The following LIMCH1 variants were observed in gnomAD, a reference collection of about 807,000 sequenced individuals.
LIMCH1 encodes LIM and calponin homology domains-containing protein 1.
Under a neutral mutation model 176.5 loss-of-function variants are expected in LIMCH1, and 113 were observed. That is an observed-to-expected ratio of 0.64 (90% CI 0.55 to 0.75). LIMCH1 has a LOEUF of 0.75. Among genes scored for constraint, LIMCH1 ranks in the 30% least tolerant of loss-of-function variants. LIMCH1 has a pLI of 0.00. For missense variants in LIMCH1, 1,674 were observed against 1,814.9 expected (o/e 0.92, Z 1.41); for synonymous variants, 619 against 645.9 (o/e 0.96, Z 0.63).
chr4:41,364,531 T>C (rs2154092192), intron 1 of LIMCH1, among the ~76,000 whole-genome samples: 1 of 152,308 alleles, frequency 6.6e-6, no homozygotes, highest in Non-Finnish European at 1.5e-5. Context: ...CGAAGTTAAC[T>C]AGATGCTACA....
At chr4:41,635,137 A>G (rs2093515129) in intron 13 of LIMCH1, among the ~76,000 whole-genome samples, 1 of 152,062 alleles carries the variant, frequency 6.6e-6, no homozygotes, top group African/African-American at 2.4e-5. Context: ...CAAGATCCAA[A>G]CTCAGCTCTG....
intron 1 of LIMCH1, among the ~76,000 whole-genome samples, chr4:41,362,450 A>G (rs1057423541): frequency 6.6e-6 from 1 of 152,216 alleles, no homozygotes; most frequent in Non-Finnish European, 1.5e-5. Flanking sequence ...TTACTGGCTT[A>G]TTGCAGAGTT....
intron 22 of LIMCH1, among the ~76,000 whole-genome samples, chr4:41,672,795 A>C (rs2095094469): frequency 6.6e-6 from 1 of 152,176 alleles, no homozygotes; most frequent in Non-Finnish European, 1.5e-5. Flanking sequence ...GCCCATGAGC[A>C]ACCCTGGCTC....
chr4:41,638,853 G>A (rs928714081), intron 13 of LIMCH1, 79 bp from the exon 14 acceptor site: 15 of 1,163,072 alleles, frequency 1.3e-5, no homozygotes, highest in South Asian at 9.9e-5. Flanking sequence ...GTATTTCACC[G>A]GCAGTTTCTA....
Position 41,619,252 on chromosome 4 carries a change from C to A in LIMCH1, c.270C>A (p.Asp90Glu). The A allele has an allele frequency of 6.2e-7, 1 of 1,614,218 alleles. No individual in the cohort carries two copies. Among genetic ancestry groups the A allele is most frequent in the South Asian group, 1.1e-5 (1 of 91,086 alleles). The change falls in exon 6 of 32, where the codon GAC (aspartate) becomes GAA (glutamate). Residue 90 changes from aspartate (D) to glutamate (E), a missense_variant. By Grantham distance (45) the Asp-to-Glu change is conservative. Coordinates refer to ENST00000503057, the MANE Select transcript of LIMCH1 (RefSeq NM_001330672.2). ...HRKLPDVKKD[D>E]MSARRTSHGE... The stretch of plus-strand genomic sequence containing the variant: ...AGCTGCCAGATGTGAAGAAGGATGA[C>A]ATGTCTGCACGGCGGACTTCCCATG...
intron 1 of LIMCH1, among the ~76,000 whole-genome samples, chr4:41,455,429 G>A (rs978922976): frequency 2.6e-5 from 4 of 152,164 alleles, no homozygotes; most frequent in Non-Finnish European, 5.9e-5. Context: ...GTTTTTACAA[G>A]TCAGAATGGG....
chr4:41,573,939 G>A (rs1177818309), intron 1 of LIMCH1, among the ~76,000 whole-genome samples: 2 of 152,154 alleles, frequency 1.3e-5, no homozygotes, highest in Non-Finnish European at 2.9e-5. Flanking sequence ...TCTGTGTCCT[G>A]GACCTTTGCC....
intron 1 of LIMCH1, among the ~76,000 whole-genome samples, chr4:41,371,800 C>G (rs758259395): frequency 2.0e-5 from 3 of 152,154 alleles, no homozygotes; most frequent in Non-Finnish European, 2.9e-5. Flanking sequence ...AACAGCAGCT[C>G]CACTCTTAGA....
At position 41,502,907 on chromosome 4, in the gene LIMCH1, T is replaced by TCACACACA. The variant is rs71650929; in HGVS notation, c.167+8325_167+8332dup. 1.9e-3 allele frequency among the ~76,000 whole-genome samples: 269 copies of TCACACACA among 142,214 alleles called. 1 individual carries two copies. The highest frequency in any genetic ancestry group is 5.0e-3 in the African/African-American group (192 of 38,498). 93.3% of individuals were successfully genotyped at this position (142,214 alleles called of 152,430 possible). A position where few individuals can be genotyped will look rare whatever the true frequency, so the allele number is the denominator to read the frequency against. ...TTATGTGAATAAGCACGGAGGTAAA[T>TCACACACA]CACACACACACACACACACACACAC... is the stretch of plus-strand genomic sequence containing the variant. On this transcript the variant is annotated intron_variant, in intron 2 of 26. Coordinates refer to the LIMCH1 transcript ENST00000313860.
intron 2 of LIMCH1, among the ~76,000 whole-genome samples, chr4:41,506,921 G>T (rs1583270632): frequency 6.6e-6 from 1 of 152,074 alleles, no homozygotes; most frequent in Non-Finnish European, 1.5e-5. Flanking sequence ...CCACAAGACT[G>T]CCCCCACCCC....
intron 2 of LIMCH1, among the ~76,000 whole-genome samples, chr4:41,515,400 C>T (rs1164390578): frequency 1.3e-5 from 2 of 152,220 alleles, no homozygotes; most frequent in African/African-American, 4.8e-5. Flanking sequence ...GCTGTTCTTT[C>T]ATTGCTTCTA....
At chr4:41,595,755 C>T (rs1256350143) in intron 1 of LIMCH1, among the ~76,000 whole-genome samples, 1 of 152,044 alleles carries the variant, frequency 6.6e-6, no homozygotes. Flanking sequence ...TTTTTTAAAG[C>T]CTTTTAAAAA....
chr4:41,511,956 A>G (rs2074976157), intron 2 of LIMCH1, among the ~76,000 whole-genome samples: 1 of 152,218 alleles, frequency 6.6e-6, no homozygotes, highest in Non-Finnish European at 1.5e-5. Context: ...CCTGCAAATG[A>G]TATCATCTCT....
intron 4 of LIMCH1, chr4:41,612,500 GT>G: frequency 1.4e-6 from 1 of 701,840 alleles, no homozygotes; most frequent in Non-Finnish European, 2.6e-6. Context: ...TTAAATTGAG[GT>G]TTATCTTTGA....
rs758365106 is a variant in LIMCH1 at position 41,687,902 on chromosome 4, G to T, written c.4151G>T (p.Gly1384Val). 2 of 1,613,216 alleles carry T rather than the reference G, an allele frequency of 1.2e-6. No individual in the cohort carries two copies. The highest frequency in any genetic ancestry group is 4.5e-5 in the East Asian group (2 of 44,832). Residue 1384 changes from glycine (G) to valine (V), a missense_variant, in exon 29 of 32, where the codon GGT becomes GTT. Coordinates refer to ENST00000503057, the MANE Select transcript of LIMCH1 (RefSeq NM_001330672.2). ...PFSPCSPTPP[G>V]QSPNRSISGK... ...TCTCCCTGTTCTCCCACCCCTCCCGGTCAGTCACCAAACAGGTACAAGAGG... is the reference window on the plus strand; with the variant it reads ...TCTCCCTGTTCTCCCACCCCTCCCGTTCAGTCACCAAACAGGTACAAGAGG...
intron 5 of LIMCH1, among the ~76,000 whole-genome samples, chr4:41,617,880 G>A (rs1194255529): frequency 2.6e-5 from 4 of 152,172 alleles, no homozygotes; most frequent in African/African-American, 7.2e-5. Flanking sequence ...CATTTATTAA[G>A]CACTTAGGCT....
intron 1 of LIMCH1, among the ~76,000 whole-genome samples, chr4:41,404,966 C>G (rs1209088413): frequency 6.6e-6 from 1 of 151,908 alleles, no homozygotes; most frequent in African/African-American, 2.4e-5. Flanking sequence ...ATTGATTTTG[C>G]TTTTGCTTGT....
intron 1 of LIMCH1, among the ~76,000 whole-genome samples, chr4:41,406,250 CTAAGGACATTACTTGATTTA>C (rs2058951462): frequency 6.6e-6 from 1 of 152,178 alleles, no homozygotes; most frequent in African/African-American, 2.4e-5. Flanking sequence ...TGACTCTGGT[CTAAGGACATTACTTGATTTA>C]TAGTTTATGA....
intron 1 of LIMCH1, among the ~76,000 whole-genome samples, chr4:41,395,266 CTT>C (rs2057680234): frequency 7.6e-6 from 1 of 132,032 alleles, no homozygotes; most frequent in African/African-American, 3.0e-5. Context: ...GAGTTTCGCT[CTT>C]GTCACCCAGT....
Sources: gnomAD v4.1 joint callset for allele counts (sites outside exome capture counted in the v4.1 genomes callset) on GRCh38, gnomAD v4.1.1 for gene constraint, MANE v1.5 for transcripts, NCBI Gene and HGNC (gene_info 2026-07-23, HGNC 2026-07-21) for gene names.